The following AASS variants were observed in gnomAD, a reference collection of about 807,000 sequenced individuals.
The protein encoded by AASS is alpha-aminoadipic semialdehyde synthase, mitochondrial.
A neutral mutation model predicts 105.4 loss-of-function variants in AASS; 86 were observed. The ratio of observed to expected loss-of-function variants is 0.82; its 90% CI spans 0.69 to 0.98. AASS has a LOEUF of 0.98. AASS is among the 50% of genes least tolerant of loss of function. AASS has a pLI of 0.00. For synonymous variants in AASS, 381 were observed against 394.8 expected, an observed-to-expected ratio of 0.96 and a Z score of 0.41; for missense variants, 1,048 against 1,143.2, an observed-to-expected ratio of 0.92 and a Z score of 1.20.
intron 17 of AASS, 138 bp from the exon 18 acceptor site, chr7:122,091,981 T>C (rs2150516018): frequency 1.6e-6 from 1 of 639,544 alleles, no homozygotes; most frequent in East Asian, 2.7e-5. Context: ...CATTCAAAAA[T>C]ACATCTTCAA....
At chr7:122,119,721 A>T (rs902424024) in intron 4 of AASS, among the ~76,000 whole-genome samples, 2 of 152,348 alleles carry the variant, frequency 1.3e-5, no homozygotes, top group Admixed American at 1.3e-4. Context: ...CATGATCAAG[A>T]TACAGAGTAT....
intron 1 of AASS, among the ~76,000 whole-genome samples, chr7:122,142,681 A>C (rs1796459764): frequency 1.3e-5 from 2 of 152,138 alleles, no homozygotes; most frequent in South Asian, 4.1e-4. Flanking sequence ...TGTTTCCATG[A>C]TTTCATGAAT....
In AASS at chr7:122,141,387, T is replaced by C. The variant is rs78300947; in HGVS notation, c.-16+2774A>G. Among the ~76,000 whole-genome samples the C allele has an allele frequency of 1.3e-3, 200 of 152,280 alleles. 4 individuals carry two copies. In the East Asian group the frequency reaches 0.036, roughly 27 times the overall value. ...GCTTCATTGAAATGGAATACAAAGT[T>C]AGTTCTAAATCGGAGTCTAGTCCAA... On this transcript the variant is annotated intron_variant, in intron 1 of 23. Coordinates refer to ENST00000417368, the MANE Select transcript of AASS (RefSeq NM_005763.4).
At position 122,098,818 on chromosome 7, in the gene AASS, A is replaced by T. The variant is rs371159020; in HGVS notation, c.1455T>A (p.Val485=). Residue 485 remains valine, a synonymous_variant, in exon 14 of 24, where the codon GTT becomes GTA. Coordinates refer to ENST00000417368, the MANE Select transcript of AASS (RefSeq NM_005763.4). ...LSMGTRRKVL[V]LGSGYISEPV... The stretch of plus-strand genomic sequence containing the variant: ...GCTCAGATATGTAGCCAGATCCAAG[A>T]ACCAAAACCTTTCTCCTGGTGCCCA... 3.1e-6 allele frequency: 5 copies of T among 1,607,300 alleles called. No homozygotes were observed. Among genetic ancestry groups the T allele is most frequent in the Non-Finnish European group, 4.2e-6 (5 of 1,176,832 alleles).
At chr7:122,110,582 G>A (rs936998557) in intron 11 of AASS, among the ~76,000 whole-genome samples, 7 of 151,860 alleles carry the variant, frequency 4.6e-5, no homozygotes, top group African/African-American at 1.7e-4. Flanking sequence ...CATGTAAAAT[G>A]TTCCTGAGAC....
At position 122,076,259 on chromosome 7, in the gene AASS, G is replaced by A. The variant is rs1793001485; in HGVS notation, c.*230C>T. ...TAGCATGATCATCACTTTCACATAC[G>A]TATTTATAAAATACAGGGTAGAATT... On this transcript the variant is annotated 3_prime_UTR_variant, in exon 24 of 24. Transcript: ENST00000417368. The A allele has an allele frequency of 1.3e-5, 6 of 460,712 alleles. No homozygotes were observed. The highest frequency in any genetic ancestry group is 3.0e-5 in the South Asian group (1 of 33,374). The allele number at this position is 460,712 out of a possible 1,614,324, so 28.5% of individuals were successfully genotyped here. A position where few individuals can be genotyped will look rare whatever the true frequency, so the allele number is the denominator to read the frequency against.
chr7:122,106,961 C>T (rs1199491312), intron 11 of AASS, among the ~76,000 whole-genome samples: 1 of 152,022 alleles, frequency 6.6e-6, no homozygotes, highest in East Asian at 1.9e-4. Context: ...AAACAATCTA[C>T]AGAATGGGAG....
At position 122,098,500 on chromosome 7, in the gene AASS, T is replaced by A; in HGVS notation, c.1605A>T (p.Lys535Asn). ...CCAAGAAGCCCAGCTTCTCTTCTTG[T>A]TTACAAATGTCCATGCTAACAGGAT... ...NINPVSMDIC[K>N]QEEKLGFLVA... is the part of the protein sequence containing the mutation. The change falls in exon 15 of 24, where the codon AAA (lysine) becomes AAT (asparagine). Residue 535 changes from lysine (K) to asparagine (N), a missense_variant. By Grantham distance (94) the Lys-to-Asn change is moderately conservative. Coordinates refer to ENST00000417368, the MANE Select transcript of AASS (RefSeq NM_005763.4). The A allele has an allele frequency of 6.2e-7, 1 of 1,612,142 alleles. No individual in the cohort carries two copies. Among genetic ancestry groups the A allele is most frequent in the South Asian group, 1.1e-5 (1 of 91,024 alleles).
Position 122,091,668 on chromosome 7 carries a change from G to A in AASS, c.2016+35C>T, listed in dbSNP as rs766269746. 9.3e-6 allele frequency: 15 copies of A among 1,612,954 alleles called. No individual in the cohort carries two copies. In the Admixed American group the frequency reaches 2.5e-4, roughly 27 times the overall value. Reference sequence around the variant, plus strand: ...TAGACTGTCTCAGGCTGTTATTGCAGGTTGATATCACTATGCTTGGATAAG... The same window carrying A: ...TAGACTGTCTCAGGCTGTTATTGCAAGTTGATATCACTATGCTTGGATAAG... On this transcript the variant is annotated intron_variant, in intron 18 of 23. Transcript: ENST00000417368.
intron 11 of AASS, among the ~76,000 whole-genome samples, chr7:122,106,963 G>C (rs572901078): frequency 8.9e-4 from 136 of 152,134 alleles, no homozygotes; most frequent in Non-Finnish European, 1.7e-3. Context: ...ACAATCTACA[G>C]AATGGGAGAA....
rs927536422 is a variant in AASS, at chr7:122,122,783, T to A, written c.472+3592A>T. ...TATGTATAGATTTTCGTCCGTGGTATCTATTGATTGATAGGTAGATGGACT... is the reference window on the plus strand; with the variant it reads ...TATGTATAGATTTTCGTCCGTGGTAACTATTGATTGATAGGTAGATGGACT... On this transcript the variant is annotated intron_variant, in intron 4 of 23. Coordinates refer to ENST00000417368, the MANE Select transcript of AASS (RefSeq NM_005763.4). Among the ~76,000 whole-genome samples the A allele has an allele frequency of 2.6e-5, 4 of 152,218 alleles. No individual in the cohort carries two copies. The East Asian group carries it at 7.7e-4, about 29-fold the overall frequency.
chr7:122,136,788 A>T (rs1796159282), intron 1 of AASS, among the ~76,000 whole-genome samples: 1 of 152,174 alleles, frequency 6.6e-6, no homozygotes, highest in Non-Finnish European at 1.5e-5. Context: ...ACATGTGGAG[A>T]TAATTTAATC....
intron 3 of AASS, 43 bp from the exon 4 acceptor site, chr7:122,126,502 T>A: frequency 6.7e-7 from 1 of 1,499,576 alleles, no homozygotes; most frequent in Non-Finnish European, 9.3e-7. Flanking sequence ...CCATTAAGCT[T>A]AATTTTAACA....
In AASS at chr7:122,092,254, C is replaced by T. The variant is rs181773062; in HGVS notation, c.1876-411G>A. Among the ~76,000 whole-genome samples the T allele has an allele frequency of 3.2e-3, 492 of 152,026 alleles. 1 individual carries two copies. Among genetic ancestry groups the T allele is most frequent in the Non-Finnish European group, 5.4e-3 (364 of 67,962 alleles). ...ACCCAATAGTACCTCGCCAAAGGTA[C>T]TATTTCATAAAAGATATTTCATATC... On this transcript the variant is annotated intron_variant, in intron 17 of 23. Coordinates refer to ENST00000417368, the MANE Select transcript of AASS (RefSeq NM_005763.4).
chr7:122,079,439 T>G, intron 21 of AASS, 158 bp downstream of exon 21: 1 of 1,103,164 alleles, frequency 9.1e-7, no homozygotes, highest in Non-Finnish European at 1.3e-6. Context: ...TTATCTACTC[T>G]TTATGCCCAC....
chr7:122,118,466 A>T lies in AASS; in HGVS notation c.541-13T>A. On this transcript the variant is annotated splice_polypyrimidine_tract_variant and intron_variant, in intron 5 of 23. Transcript: ENST00000417368. ...CCATGCCAATGTGCTGAAAACAAAC[A>T]TACACAACTCAAGTTAGTCCACCAG... The T allele has an allele frequency of 6.2e-7, 1 of 1,614,160 alleles. No homozygotes were observed. Among genetic ancestry groups the T allele is most frequent in the Non-Finnish European group, 8.5e-7 (1 of 1,180,020 alleles).
At chr7:122,121,933 T>TA (rs1795457559) in intron 4 of AASS, among the ~76,000 whole-genome samples, 1 of 152,178 alleles carries the variant, frequency 6.6e-6, no homozygotes, top group Non-Finnish European at 1.5e-5. Flanking sequence ...TGGAAATATA[T>TA]TGTACTGTGC....
At position 122,133,609 on chromosome 7, in the gene AASS, C is replaced by T; in HGVS notation, c.118G>A (p.Ala40Thr). The T allele has an allele frequency of 6.2e-7, 1 of 1,614,164 alleles. No homozygotes were observed. The change falls in exon 2 of 24, where the codon GCC (alanine) becomes ACC (threonine). Residue 40 changes from alanine to threonine, a missense_variant. Transcript: ENST00000417368. ...REDVNAWERR[A>T]PLAPKHIKGI... ...TTGATGTGCTTGGGAGCTAGCGGGG[C>T]CCTTCTCTCCCAGGCGTTCACATCC...
intron 11 of AASS, among the ~76,000 whole-genome samples, chr7:122,107,471 G>T (rs376069100): frequency 6.6e-6 from 1 of 152,024 alleles, no homozygotes; most frequent in South Asian, 2.1e-4. Context: ...TCATTGGAGC[G>T]CTATTGTAAA....
Sources: allele counts gnomAD v4.1 joint callset (sites outside exome capture counted in the v4.1 genomes callset), GRCh38; gene constraint gnomAD v4.1.1; transcripts MANE v1.5; gene names NCBI Gene and HGNC (gene_info 2026-07-23, HGNC 2026-07-21).